Variants in PTPRN2 observed in about 807,000 individuals in gnomAD.
PTPRN2 encodes the protein receptor-type tyrosine-protein phosphatase N2.
In PTPRN2, 74 loss-of-function variants were observed where a neutral mutation model predicts 118.8. That is an observed-to-expected ratio of 0.62 (90% CI 0.52 to 0.76). PTPRN2 has a LOEUF of 0.76. Among genes scored for constraint, PTPRN2 ranks in the 30% least tolerant of loss-of-function variants. PTPRN2 has a pLI of 0.00. For synonymous variants in PTPRN2, 641 were observed against 608.0 expected (o/e 1.05, Z -0.80); for missense variants, 1,481 against 1,394.4 (o/e 1.06, Z -0.99).
At chr7:158,038,463 G>A (rs1808229668) in intron 11 of PTPRN2, among the ~76,000 whole-genome samples, 1 of 152,014 alleles carries the variant, frequency 6.6e-6, no homozygotes. Flanking sequence ...GAAATCACTA[G>A]AGAAAGATGC....
chr7:158,547,459 A>G (rs926150398), intron 1 of PTPRN2, among the ~76,000 whole-genome samples: 11 of 152,158 alleles, frequency 7.2e-5, no homozygotes, highest in African/African-American at 2.6e-4. Flanking sequence ...AGGGGCTGCT[A>G]TAAGTAGGAT....
At chr7:157,926,565 C>T (rs774384039) in intron 11 of PTPRN2, among the ~76,000 whole-genome samples, 2 of 152,186 alleles carry the variant, frequency 1.3e-5, no homozygotes, top group Admixed American at 6.5e-5. Flanking sequence ...GAAGTGGAGG[C>T]AGGGAGGGCC....
At chr7:157,595,515 GTTAGGAAGCCAGA>G (rs1801259235) in intron 16 of PTPRN2, among the ~76,000 whole-genome samples, 200 bp from the exon 17 acceptor site, 16 of 115,072 alleles carry the variant, frequency 1.4e-4, no homozygotes, top group African/African-American at 6.0e-4. Context: ...AAGCCCGGAG[GTTAGGAAGCCAGA>G]AGGTTAGGAA....
chr7:158,048,387 T>A (rs993095600), intron 11 of PTPRN2, among the ~76,000 whole-genome samples: 1 of 152,156 alleles, frequency 6.6e-6, no homozygotes, highest in Non-Finnish European at 1.5e-5. Context: ...TTTCTTAGAC[T>A]TAAGTTTTCT....
intron 11 of PTPRN2, among the ~76,000 whole-genome samples, chr7:158,004,937 C>T (rs1277541140): frequency 1.3e-5 from 2 of 152,122 alleles, no homozygotes; most frequent in Admixed American, 1.3e-4. Context: ...ATGCTAAATG[C>T]TAATAGATAC....
chr7:157,708,766 G>A (rs1428663676), intron 12 of PTPRN2, among the ~76,000 whole-genome samples: 3 of 152,282 alleles, frequency 2.0e-5, no homozygotes, highest in Middle Eastern at 3.4e-3. Context: ...TGAGACTTAC[G>A]GGTCCATAAA....
chr7:157,979,317 TCA>T (rs1802964813), intron 11 of PTPRN2, among the ~76,000 whole-genome samples: 1 of 152,242 alleles, frequency 6.6e-6, no homozygotes, highest in Admixed American at 6.5e-5. Context: ...ATGCTAACTC[TCA>T]GTTTAGAAAA....
intron 14 of PTPRN2, among the ~76,000 whole-genome samples, chr7:157,643,504 G>A (rs370758409): frequency 2.0e-5 from 3 of 152,356 alleles, no homozygotes; most frequent in African/African-American, 7.2e-5. Flanking sequence ...TGTGGCGGAG[G>A]TGTGGGGGCT....
intron 12 of PTPRN2, among the ~76,000 whole-genome samples, chr7:157,755,386 G>A (rs990707309): frequency 6.6e-5 from 10 of 152,138 alleles, no homozygotes; most frequent in Non-Finnish European, 1.2e-4. Flanking sequence ...TCCTGGGTAC[G>A]AATGGGAGTA....
chr7:157,782,079 T>C (rs1191186509), intron 12 of PTPRN2, among the ~76,000 whole-genome samples: 1 of 152,222 alleles, frequency 6.6e-6, no homozygotes, highest in East Asian at 1.9e-4. Context: ...CCCTAGGGAA[T>C]AGACCTGGGC....
intron 14 of PTPRN2, among the ~76,000 whole-genome samples, chr7:157,631,944 C>T (rs908901136): frequency 3.9e-5 from 6 of 152,124 alleles, no homozygotes; most frequent in Admixed American, 3.3e-4. Context: ...GGACAGATTC[C>T]TTGCCTCTAA....
intron 2 of PTPRN2, among the ~76,000 whole-genome samples, chr7:158,482,955 C>T (rs963789231): frequency 6.6e-6 from 1 of 152,188 alleles, no homozygotes; most frequent in Non-Finnish European, 1.5e-5. Flanking sequence ...GTCATAAGAC[C>T]CTCATTCCAG....
At chr7:157,991,577 C>T (rs546851492) in intron 11 of PTPRN2, among the ~76,000 whole-genome samples, 6 of 152,044 alleles carry the variant, frequency 3.9e-5, no homozygotes, top group African/African-American at 1.2e-4. Flanking sequence ...TGAGGGAGGG[C>T]GAGGGAGGGC....
intron 9 of PTPRN2, among the ~76,000 whole-genome samples, chr7:158,129,522 A>AC: frequency 6.6e-6 from 1 of 151,220 alleles, no homozygotes; most frequent in Non-Finnish European, 1.5e-5. Context: ...TACACACCAC[A>AC]CATACAACAC....
At position 158,526,030 on chromosome 7, in the gene PTPRN2, T is replaced by G. The variant is rs1824756286; in HGVS notation, c.113-36245A>C. On this transcript the variant is annotated intron_variant, in intron 1 of 22. Coordinates refer to ENST00000389418, the MANE Select transcript of PTPRN2 (RefSeq NM_002847.5). This position sits in a 1 kb window ranked among gnomAD's most constrained non-coding sequence, Gnocchi z 5.2. ...CTGCAGCCCAGCCCCTACTCTCCCC[T>G]CTGGCTGGCATTGTGCAGTCCTTCC... Among the ~76,000 whole-genome samples, 1 of 152,118 alleles carries G rather than the reference T, an allele frequency of 6.6e-6. No individual in the cohort carries two copies. Among genetic ancestry groups the G allele is most frequent in the African/African-American group, 2.4e-5 (1 of 41,414 alleles).
intron 3 of PTPRN2, among the ~76,000 whole-genome samples, chr7:158,307,466 G>A (rs560407837): frequency 3.3e-5 from 5 of 152,098 alleles, no homozygotes; most frequent in East Asian, 1.9e-4. Context: ...TGAGATACAC[G>A]TAAAGGAAGT....
rs548240186 is a variant in PTPRN2, at chr7:157,646,918, C to G, written c.2196+9439G>C. On this transcript the variant is annotated intron_variant, in intron 14 of 22. Coordinates refer to ENST00000389418, the MANE Select transcript of PTPRN2 (RefSeq NM_002847.5). ...GTGGGTCAGACCCATCCAGTGTGCA[C>G]TGAACTCGGTGGGTCAGACCCATCC... Among the ~76,000 whole-genome samples, 113 of 149,180 alleles carry G rather than the reference C, an allele frequency of 7.6e-4. 1 individual carries two copies. Among genetic ancestry groups the G allele is most frequent in the African/African-American group, 2.6e-3 (102 of 39,146 alleles).
intron 13 of PTPRN2, among the ~76,000 whole-genome samples, chr7:157,659,832 C>T (rs1795807400): frequency 6.6e-6 from 1 of 152,116 alleles, no homozygotes; most frequent in Non-Finnish European, 1.5e-5. Context: ...GCAGCCTCCA[C>T]CTCCTGGGTT....
chr7:157,765,485 A>ATACC (rs1417229269), intron 12 of PTPRN2, among the ~76,000 whole-genome samples: 1 of 123,984 alleles, frequency 8.1e-6, no homozygotes. Context: ...ATCCACCCAC[A>ATACC]CACCCACCCA....
Sources: allele counts gnomAD v4.1 joint callset (sites outside exome capture counted in the v4.1 genomes callset), GRCh38; gene constraint gnomAD v4.1.1; non-coding constraint Gnocchi (gnomAD v3.1); transcripts MANE v1.5; gene names NCBI Gene and HGNC (gene_info 2026-07-23, HGNC 2026-07-21).